NXN: variants seen among roughly 807,000 people sequenced by gnomAD.
NXN encodes the protein nucleoredoxin 1.
A neutral mutation model predicts 48.6 loss-of-function variants in NXN; 16 were observed. The ratio of observed to expected loss-of-function variants is 0.33; its 90% CI spans 0.22 to 0.50. NXN has a LOEUF of 0.50. NXN is among the 20% of genes least tolerant of loss of function. The pLI is 0.98. For synonymous variants in NXN, 281 were observed against 269.6 expected (o/e 1.04, Z -0.41); for missense variants, 492 against 605.5 (o/e 0.81, Z 1.97).
intron 1 of NXN, among the ~76,000 whole-genome samples, chr17:959,822 G>A (rs1247057082): frequency 6.8e-6 from 1 of 146,810 alleles, no homozygotes; most frequent in Non-Finnish European, 1.5e-5. Flanking sequence ...GCTGGGTGTG[G>A]TGGCTCATGC....
Position 806,138 on chromosome 17 carries a change from C to A in NXN, c.821-891G>T, listed in dbSNP as rs1349862276. ...CCCCCGCCGTCTGCACCCCAGCCCT[C>A]CCCGCTCCCCAGGGCTGCAGCCCCC... On this transcript the variant is annotated intron_variant, in intron 5 of 7. Coordinates refer to ENST00000336868, the MANE Select transcript of NXN (RefSeq NM_022463.5). Among the ~76,000 whole-genome samples the A allele has an allele frequency of 3.6e-3, 533 of 147,626 alleles. 1 individual carries two copies. The highest frequency in any genetic ancestry group is 0.013 in the African/African-American group (489 of 38,178).
intron 1 of NXN, among the ~76,000 whole-genome samples, chr17:848,361 A>G (rs909513667): frequency 6.6e-6 from 1 of 152,168 alleles, no homozygotes; most frequent in Non-Finnish European, 1.5e-5. Flanking sequence ...GGCTGGGCTC[A>G]AACTCCTGAC....
intron 1 of NXN, among the ~76,000 whole-genome samples, chr17:901,274 C>A (rs916574183): frequency 2.0e-5 from 3 of 152,146 alleles, no homozygotes; most frequent in African/African-American, 7.2e-5. Context: ...CTCAACGTCA[C>A]CCTCTGCAAC....
intron 1 of NXN, among the ~76,000 whole-genome samples, chr17:875,839 C>T (rs1428543843): frequency 1.3e-5 from 2 of 152,078 alleles, no homozygotes; most frequent in African/African-American, 4.8e-5. Flanking sequence ...TCAAGCTATC[C>T]TCCTGCCCCG....
chr17:833,005 C>A (rs575865977), intron 1 of NXN, among the ~76,000 whole-genome samples: 1 of 152,114 alleles, frequency 6.6e-6, no homozygotes, highest in South Asian at 2.1e-4. Context: ...ATTCTCCTGC[C>A]TCAGCCTCCC....
chr17:861,414 G>T (rs374099762), intron 1 of NXN, among the ~76,000 whole-genome samples: 5 of 152,294 alleles, frequency 3.3e-5, no homozygotes, highest in African/African-American at 1.2e-4. Flanking sequence ...GATTACAGGC[G>T]TGAGCCGCCG....
At chr17:939,345 T>TC (rs199827466) in intron 1 of NXN, among the ~76,000 whole-genome samples, 1,855 of 57,200 alleles carry the variant, frequency 0.032, 46 homozygotes, top group African/African-American at 0.096. Flanking sequence ...AGAAATCAGC[T>TC]TTTTTTTTTT....
Position 831,521 on chromosome 17 carries a change from G to A in NXN, c.361-5443C>T, listed in dbSNP as rs555445584. On this transcript the variant is annotated intron_variant, in intron 1 of 7. Transcript: ENST00000336868. Reference sequence around the variant, plus strand: ...AGTCTTGCTCTGTCACCCAGGCAGTGCAGTGACACAATCTCAGCTCACTGC... The same window carrying A: ...AGTCTTGCTCTGTCACCCAGGCAGTACAGTGACACAATCTCAGCTCACTGC... 8.6e-5 allele frequency among the ~76,000 whole-genome samples: 13 copies of A among 151,592 alleles called. No homozygotes were observed. The South Asian group carries it at 2.5e-3, about 29-fold the overall frequency.
At chr17:901,249 A>AGT (rs10649969) in intron 1 of NXN, among the ~76,000 whole-genome samples, 123,530 of 151,916 alleles carry the variant, frequency 0.81, 50,525 homozygotes, top group Middle Eastern at 0.9. Flanking sequence ...ATTTGTATCC[A>AGT]AAACCCCTCT....
rs59822805 is a variant in NXN, at chr17:909,098, C to CAA, written c.360+70219_360+70220dup. On this transcript the variant is annotated intron_variant, in intron 1 of 7. Transcript: ENST00000336868. ...TGGGCGACAGAGTGAGACTTCGTCT[C>CAA]AAAAAAAAAAAAAAAAAAAAAAAAA... Among the ~76,000 whole-genome samples the CAA allele has an allele frequency of 9.5e-3, 1,115 of 117,070 alleles. 162 individuals carry two copies. The highest frequency in any genetic ancestry group is 0.035 in the African/African-American group (1,006 of 29,042). The allele number at this position is 117,070 out of a possible 152,430, so 76.8% of individuals were successfully genotyped here.
chr17:819,598 G>A lies in NXN; in HGVS notation c.714-53C>T, dbSNP rs143476243. 79 of 1,267,730 alleles carry A rather than the reference G, an allele frequency of 6.2e-5. No individual in the cohort carries two copies. In the African/African-American group the frequency reaches 1.0e-3, roughly 16 times the overall value. The allele number at this position is 1,267,730 out of a possible 1,614,324, so 78.5% of individuals were successfully genotyped here. A position where few individuals can be genotyped will look rare whatever the true frequency, so the allele number is the denominator to read the frequency against. On this transcript the variant is annotated intron_variant, in intron 4 of 7. Coordinates refer to ENST00000336868, the MANE Select transcript of NXN (RefSeq NM_022463.5). ...GGCTCAGTATCCCCACTGCACCAAC[G>A]CTGAATCCTCCCACCTCTGCCGAGT...
At chr17:852,163 C>T (rs1240481246) in intron 1 of NXN, among the ~76,000 whole-genome samples, 2 of 152,232 alleles carry the variant, frequency 1.3e-5, no homozygotes, top group Non-Finnish European at 2.9e-5. Context: ...CTCTAGAAGG[C>T]TCTTGGCCAA....
In NXN at chr17:819,523, A is replaced by G; in HGVS notation, c.736T>C (p.Tyr246His). 6.2e-7 allele frequency: 1 copy of G among 1,610,622 alleles called. No individual in the cohort carries two copies. Among genetic ancestry groups the G allele is most frequent in the South Asian group, 1.1e-5 (1 of 90,810 alleles). Residue 246 changes from tyrosine (Y) to histidine (H), a missense_variant, in exon 5 of 8, where the codon TAC (tyrosine) becomes CAC (histidine). Coordinates refer to ENST00000336868, the MANE Select transcript of NXN (RefSeq NM_022463.5). Reference sequence around the variant, plus strand: ...GCGAGCCAGGGCATCTCACTGAAGTACTGTTTGAAGGACTCCTCCGACCTA... The same window carrying G: ...GCGAGCCAGGGCATCTCACTGAAGTGCTGTTTGAAGGACTCCTCCGACCTA... ...ADRSEESFKQ[Y>H]FSEMPWLAVP... is the part of the protein sequence containing the mutation.
intron 1 of NXN, among the ~76,000 whole-genome samples, chr17:916,094 G>A (rs1469693610): frequency 7.9e-5 from 12 of 152,242 alleles, no homozygotes; most frequent in Admixed American, 3.9e-4. Flanking sequence ...AATGAAAAGG[G>A]AGAAACAGAA....
chr17:942,133 C>T (rs2068983007), intron 1 of NXN, among the ~76,000 whole-genome samples: 1 of 122,802 alleles, frequency 8.1e-6, no homozygotes, highest in African/African-American at 3.3e-5. Flanking sequence ...GCCATGAATT[C>T]ACCAAACACC....
At chr17:832,626 T>G (rs536436961) in intron 1 of NXN, among the ~76,000 whole-genome samples, 1 of 152,066 alleles carries the variant, frequency 6.6e-6, no homozygotes, top group African/African-American at 2.4e-5. Context: ...CTTATGTGAG[T>G]AGAAGAGTTG....
At chr17:915,743 C>A (rs544898239) in intron 1 of NXN, among the ~76,000 whole-genome samples, 1 of 128,770 alleles carries the variant, frequency 7.8e-6, no homozygotes, top group East Asian at 2.9e-4. Context: ...GTTAGTGCAA[C>A]ACTAAAATGC....
chr17:961,426 C>T (rs1317868165), intron 1 of NXN, among the ~76,000 whole-genome samples: 1 of 151,940 alleles, frequency 6.6e-6, no homozygotes, highest in Non-Finnish European at 1.5e-5. Context: ...TTCAACAAGA[C>T]AGTAAGTATT....
Position 898,784 on chromosome 17 carries a change from G to A in NXN, c.361-72706C>T, listed in dbSNP as rs1471493114. ...GAGGACTGCTTGAAACTGGGAGGTCGAGGCTGCAGTGAGCCATGAGGGCAC... is the reference window on the plus strand; with the variant it reads ...GAGGACTGCTTGAAACTGGGAGGTCAAGGCTGCAGTGAGCCATGAGGGCAC... On this transcript the variant is annotated intron_variant, in intron 1 of 7. Coordinates refer to ENST00000336868, the MANE Select transcript of NXN (RefSeq NM_022463.5). Among the ~76,000 whole-genome samples, 2 of 69,652 alleles carry A rather than the reference G, an allele frequency of 2.9e-5. 1 individual carries two copies. The highest frequency in any genetic ancestry group is 8.7e-5 in the Non-Finnish European group (2 of 22,870). 45.7% of individuals were successfully genotyped at this position (69,652 alleles called of 152,430 possible). A position where few individuals can be genotyped will look rare whatever the true frequency, so the allele number is the denominator to read the frequency against.
Sources: gnomAD v4.1 joint callset for allele counts (sites outside exome capture counted in the v4.1 genomes callset) on GRCh38, gnomAD v4.1.1 for gene constraint, MANE v1.5 for transcripts, NCBI Gene and HGNC (gene_info 2026-07-23, HGNC 2026-07-21) for gene names.